The following KATNAL1 variants were observed in gnomAD, a reference collection of about 807,000 sequenced individuals.
KATNAL1 encodes the protein katanin p60 ATPase-containing subunit A-like 1.
KATNAL1 carries 32 observed loss-of-function variants against 55.2 expected under a neutral mutation model. The ratio of observed to expected loss-of-function variants is 0.58; its 90% CI spans 0.44 to 0.78. The LOEUF (loss-of-function observed/expected upper bound fraction) is 0.78, where lower values mean the gene tolerates loss of function less well. Among genes scored for constraint, KATNAL1 ranks in the 30% least tolerant of loss-of-function variants. The pLI, the probability that KATNAL1 is intolerant of heterozygous loss-of-function variation, is 0.00. For missense variants in KATNAL1, 466 were observed against 600.9 expected, an observed-to-expected ratio of 0.78 and a Z score of 2.35; for synonymous variants, 193 against 193.6, an observed-to-expected ratio of 1.00 and a Z score of 0.02.
chr13:30,252,321 T>G (rs1434738875), intron 4 of KATNAL1, among the ~76,000 whole-genome samples: 1 of 152,252 alleles, frequency 6.6e-6, no homozygotes, highest in Non-Finnish European at 1.5e-5. Context: ...TAACATTTGC[T>G]ACTACTGCTA....
chr13:30,240,681 A>G, intron 5 of KATNAL1, 116 bp from the exon 6 acceptor site: 1 of 741,768 alleles, frequency 1.3e-6, no homozygotes, highest in Non-Finnish European at 2.2e-6. Context: ...TAAGAACATT[A>G]TTCTAATTCT....
intron 9 of KATNAL1, among the ~76,000 whole-genome samples, chr13:30,215,617 C>T (rs1454908565): frequency 6.6e-6 from 1 of 152,144 alleles, no homozygotes; most frequent in Non-Finnish European, 1.5e-5. Flanking sequence ...GAGTTCATGT[C>T]CTTTGTAGGG....
chr13:30,256,153 T>A (rs1376936878), intron 3 of KATNAL1, among the ~76,000 whole-genome samples: 1 of 152,240 alleles, frequency 6.6e-6, no homozygotes, highest in Non-Finnish European at 1.5e-5. Context: ...AACAATGAAA[T>A]CTTCTTTAAG....
At chr13:30,250,948 A>G (rs918023826) in intron 4 of KATNAL1, among the ~76,000 whole-genome samples, 1 of 152,062 alleles carries the variant, frequency 6.6e-6, no homozygotes, top group Non-Finnish European at 1.5e-5. Flanking sequence ...ACCATCCTGG[A>G]TAACACGGTG....
At chr13:30,240,390 C>T (rs1487589878) in intron 6 of KATNAL1, 70 bp downstream of exon 6, 4 of 1,073,754 alleles carry the variant, frequency 3.7e-6, no homozygotes, top group African/African-American at 3.1e-5. Flanking sequence ...TCAAAAACTA[C>T]AGCAATGCTG....
At chr13:30,251,832 C>CA (rs1281847703) in intron 4 of KATNAL1, among the ~76,000 whole-genome samples, 1 of 152,112 alleles carries the variant, frequency 6.6e-6, no homozygotes, top group Non-Finnish European at 1.5e-5. Flanking sequence ...GTCCAATAAA[C>CA]AGAGTACTAA....
intron 3 of KATNAL1, among the ~76,000 whole-genome samples, chr13:30,262,012 A>G (rs1879333354): frequency 6.6e-6 from 1 of 152,196 alleles, no homozygotes; most frequent in Non-Finnish European, 1.5e-5. Flanking sequence ...AATTATAACA[A>G]ACTATCTCTC....
chr13:30,253,662 C>A (rs1878540151), intron 4 of KATNAL1, among the ~76,000 whole-genome samples: 3 of 88,090 alleles, frequency 3.4e-5, no homozygotes, highest in African/African-American at 1.3e-4. Flanking sequence ...GACTCCATCT[C>A]AAAAAAAAAA....
At chr13:30,229,242 G>A (rs1350305503) in intron 8 of KATNAL1, among the ~76,000 whole-genome samples, 1 of 151,240 alleles carries the variant, frequency 6.6e-6, no homozygotes, top group Non-Finnish European at 1.5e-5. Flanking sequence ...AGTCCAACTT[G>A]GCTATCTCTT....
intron 1 of KATNAL1, 70 bp from the exon 2 acceptor site, chr13:30,283,861 AAT>A: frequency 9.1e-7 from 1 of 1,094,786 alleles, no homozygotes; most frequent in South Asian, 1.8e-5. Context: ...TATTCTTTAA[AAT>A]ATGTTTAAAA....
chr13:30,235,668 C>A (rs984995018), intron 6 of KATNAL1, among the ~76,000 whole-genome samples: 2 of 152,210 alleles, frequency 1.3e-5, no homozygotes, highest in East Asian at 3.8e-4. Context: ...GCGAAAGAAG[C>A]GTCACCTTCA....
intron 6 of KATNAL1, among the ~76,000 whole-genome samples, chr13:30,236,126 C>T (rs1011014928): frequency 2.0e-5 from 3 of 152,184 alleles, no homozygotes; most frequent in African/African-American, 4.8e-5. Flanking sequence ...GAAGAAAAGC[C>T]ATGTGTAAGG....
intron 4 of KATNAL1, among the ~76,000 whole-genome samples, chr13:30,250,382 T>C (rs1878185876): frequency 6.6e-6 from 1 of 152,254 alleles, no homozygotes; most frequent in African/African-American, 2.4e-5. Flanking sequence ...CATGTTTTTA[T>C]TGTTTCATTA....
chr13:30,244,713 G>A (rs1044364884), intron 4 of KATNAL1, among the ~76,000 whole-genome samples: 8 of 152,052 alleles, frequency 5.3e-5, no homozygotes, highest in Non-Finnish European at 7.4e-5. Flanking sequence ...ATGATAAAAC[G>A]GATATCACCA....
intron 4 of KATNAL1, among the ~76,000 whole-genome samples, chr13:30,248,517 A>G (rs1286715611): frequency 6.6e-6 from 1 of 152,266 alleles, no homozygotes; most frequent in South Asian, 2.1e-4. Flanking sequence ...TCATGATGAT[A>G]CAAATAGCCA....
Position 30,238,654 on chromosome 13 carries a change from T to C in KATNAL1, c.726+1806A>G, listed in dbSNP as rs143310230. Among the ~76,000 whole-genome samples, 458 of 152,320 alleles carry C rather than the reference T, an allele frequency of 3.0e-3. 2 individuals carry two copies. Among genetic ancestry groups the C allele is most frequent in the African/African-American group, 0.011 (442 of 41,560 alleles). On this transcript the variant is annotated intron_variant, in intron 6 of 10. Transcript: ENST00000380615. Reference sequence around the variant, plus strand: ...AAGCCTTCTTTAATCATGTCATTTTTGTGCTTTGCTGAGCTTTCCAAGCAC... The same window carrying C: ...AAGCCTTCTTTAATCATGTCATTTTCGTGCTTTGCTGAGCTTTCCAAGCAC...
rs865947242 is a variant in KATNAL1 at position 30,262,180 on chromosome 13, G to C, written c.324-6565C>G. ...GTTCTTTGAAACCAACGAGAACAAA[G>C]ACACAACATACCAGAATCTCTGGGA... On this transcript the variant is annotated intron_variant, in intron 3 of 10. Transcript: ENST00000380615. 3.0e-3 allele frequency among the ~76,000 whole-genome samples: 461 copies of C among 151,436 alleles called. 2 individuals carry two copies. Among genetic ancestry groups the C allele is most frequent in the African/African-American group, 0.011 (439 of 41,322 alleles).
chr13:30,228,635 T>C (rs749746270), intron 8 of KATNAL1, among the ~76,000 whole-genome samples: 3 of 152,230 alleles, frequency 2.0e-5, no homozygotes, highest in Non-Finnish European at 2.9e-5. Flanking sequence ...AAAGTTAACA[T>C]GGTAAACTCA....
At chr13:30,270,547 A>G (rs1437640356) in intron 3 of KATNAL1, among the ~76,000 whole-genome samples, 10 of 152,232 alleles carry the variant, frequency 6.6e-5, no homozygotes, top group African/African-American at 1.2e-4. Context: ...AGAGGTAGAC[A>G]TGGGAGACTT....
Sources: allele counts gnomAD v4.1 joint callset (sites outside exome capture counted in the v4.1 genomes callset), GRCh38; gene constraint gnomAD v4.1.1; transcripts MANE v1.5; gene names NCBI Gene and HGNC (gene_info 2026-07-23, HGNC 2026-07-21).